Variants in ZFP1 observed in about 807,000 individuals in gnomAD.
The protein encoded by ZFP1 is zinc finger protein 1 homolog.
A neutral mutation model predicts 38.5 loss-of-function variants in ZFP1; 32 were observed. That is an observed-to-expected ratio of 0.83 (90% confidence interval 0.63 to 1.12). The LOEUF (loss-of-function observed/expected upper bound fraction) is 1.12, where lower values mean the gene tolerates loss of function less well. ZFP1 is among the 50% of genes most tolerant of loss of function. ZFP1 has a pLI of 0.00. For missense variants in ZFP1, 616 were observed against 480.8 expected, an observed-to-expected ratio of 1.28 and a Z score of -2.63; for synonymous variants, 245 against 168.8, an observed-to-expected ratio of 1.45 and a Z score of -3.50.
upstream of ZFP1, among the ~76,000 whole-genome samples, chr16:75,147,892 TAAG>T (rs1338941274): frequency 2.6e-5 from 4 of 152,210 alleles, no homozygotes; most frequent in Non-Finnish European, 5.9e-5. Flanking sequence ...TGAAATTTGC[TAAG>T]AAGATAGATC....
chr16:75,169,288 C>T lies in ZFP1; in HGVS notation c.178C>T (p.His60Tyr), dbSNP rs1286299632. ...GGCTGATGACCAGATGGAGAGAGAC[C>T]ACAGAAACCCAGACGAGCAGGCGAG... is the stretch of plus-strand genomic sequence containing the variant. ...WKADDQMERDHRNPDEQARQF... is the reference protein window; with the variant it reads ...WKADDQMERDYRNPDEQARQF... Residue 60 changes from histidine (H) to tyrosine (Y), a missense_variant, in exon 4 of 4, where the codon CAC becomes TAC. Transcript: ENST00000570010. The T allele has an allele frequency of 1.9e-6, 3 of 1,613,426 alleles. No individual in the cohort carries two copies. The highest frequency in any genetic ancestry group is 2.2e-5 in the South Asian group (2 of 91,000).
chr16:75,128,697 T>C, the ZFP1 span, among the ~76,000 whole-genome samples: 89 of 152,362 alleles, frequency 5.8e-4, 1 homozygote, highest in African/African-American at 1.9e-3. Context: ...TGTGTTTTCA[T>C]AAAGCCCTGT....
chr16:75,163,227 A>T (rs2037878259), intron 2 of ZFP1, among the ~76,000 whole-genome samples: 1 of 151,884 alleles, frequency 6.6e-6, no homozygotes, highest in South Asian at 2.1e-4. Context: ...ATATTACAAA[A>T]ATCATACATT....
At chr16:75,125,959 C>T in the ZFP1 span, among the ~76,000 whole-genome samples, 1 of 147,866 alleles carries the variant, frequency 6.8e-6, no homozygotes, top group Non-Finnish European at 1.5e-5. Flanking sequence ...AGGAGAATCG[C>T]TTGAATCTGG....
At chr16:75,136,450 T>C in the ZFP1 span, among the ~76,000 whole-genome samples, 9,201 of 152,226 alleles carry the variant, frequency 0.06, 942 homozygotes, top group African/African-American at 0.21. Context: ...ACTGGTTGAC[T>C]GAAAATTTAC....
intron 2 of ZFP1, among the ~76,000 whole-genome samples, chr16:75,164,896 C>T (rs574818989): frequency 3.3e-5 from 5 of 151,958 alleles, no homozygotes; most frequent in South Asian, 4.1e-4. Flanking sequence ...ACGTCCACTT[C>T]CTGGGTTCAA....
chr16:75,142,201 CA>C, the ZFP1 span, among the ~76,000 whole-genome samples: 415 of 109,904 alleles, frequency 3.8e-3, no homozygotes, highest in Middle Eastern at 0.011. Flanking sequence ...ACTAAAAATA[CA>C]AAAAAAAAAA....
the ZFP1 span, among the ~76,000 whole-genome samples, chr16:75,119,340 G>C: frequency 7.0e-4 from 107 of 152,252 alleles, no homozygotes; most frequent in African/African-American, 2.3e-3. Context: ...ACCCTCCAGA[G>C]AATACCTTAT....
chr16:75,154,116 C>A (rs555732007), intron 2 of ZFP1, among the ~76,000 whole-genome samples: 4 of 151,934 alleles, frequency 2.6e-5, no homozygotes, highest in Non-Finnish European at 5.9e-5. Flanking sequence ...CCCAGCTACT[C>A]GGGAGGCTGA....
chr16:75,122,891 C>G, the ZFP1 span, among the ~76,000 whole-genome samples: 1 of 152,114 alleles, frequency 6.6e-6, no homozygotes, highest in Non-Finnish European at 1.5e-5. Flanking sequence ...GATAATTTTG[C>G]AATGGCAGTT....
the ZFP1 span, among the ~76,000 whole-genome samples, chr16:75,130,153 A>C: frequency 2.6e-5 from 4 of 152,058 alleles, no homozygotes; most frequent in Non-Finnish European, 5.9e-5. Context: ...GGTATGCACT[A>C]CCACACCTGG....
chr16:75,169,472 A>C lies in ZFP1; in HGVS notation c.362A>C (p.Asn121Thr). The C allele has an allele frequency of 1.2e-6, 2 of 1,613,040 alleles. No individual in the cohort carries two copies. Among genetic ancestry groups the C allele is most frequent in the Non-Finnish European group, 1.7e-6 (2 of 1,179,784 alleles). The stretch of plus-strand genomic sequence containing the variant: ...TTGAAATATAATTCAGACTTGCTTA[A>C]TAGTAATAGAAGCTATGCAGGAAAG... ...KTLKYNSDLL[N>T]SNRSYAGKQT... is the part of the protein sequence containing the mutation. Residue 121 changes from asparagine to threonine, a missense_variant, in exon 4 of 4, where the codon AAT becomes ACT. Coordinates refer to ENST00000570010, the MANE Select transcript of ZFP1 (RefSeq NM_153688.4).
In ZFP1 at chr16:75,169,860, C is replaced by G. The variant is rs1302616315; in HGVS notation, c.750C>G (p.Thr250=). The G allele has an allele frequency of 1.9e-6, 3 of 1,614,102 alleles. No individual in the cohort carries two copies. Among genetic ancestry groups the G allele is most frequent in the South Asian group, 1.1e-5 (1 of 91,078 alleles). Residue 250 remains threonine, a synonymous_variant, in exon 4 of 4, where the codon ACC becomes ACG. Transcript: ENST00000570010. The part of the protein sequence containing the change: ...FECPECGKAF[T]HQSNLIVHQR... ...GTCCGGAATGTGGAAAAGCTTTCAC[C>G]CACCAGTCAAACCTCATTGTACACC...
At chr16:75,123,960 A>G in the ZFP1 span, among the ~76,000 whole-genome samples, 3 of 151,400 alleles carry the variant, frequency 2.0e-5, no homozygotes, top group Non-Finnish European at 4.4e-5. Flanking sequence ...TGGGCCTGAT[A>G]GCACGCACCT....
chr16:75,148,770 A>AGGGCGGCGTCCGGGGTTGCC (rs1567519308), intron 1 of ZFP1, 127 bp downstream of exon 1: 2 of 152,238 alleles, frequency 1.3e-5, no homozygotes, highest in African/African-American at 4.8e-5. Flanking sequence ...AGTGACCCTC[A>AGGGCGGCGTCCGGGGTTGCC]GGGCGGCGTC....
At chr16:75,166,239 A>T (rs1005997011) in intron 2 of ZFP1, among the ~76,000 whole-genome samples, 1 of 152,146 alleles carries the variant, frequency 6.6e-6, no homozygotes, top group Non-Finnish European at 1.5e-5. Context: ...GAGCAGAAAC[A>T]GTGTTTATTT....
chr16:75,134,729 C>T, the ZFP1 span, among the ~76,000 whole-genome samples: 1 of 141,524 alleles, frequency 7.1e-6, no homozygotes, highest in East Asian at 2.2e-4. Flanking sequence ...CCAGCCTGGG[C>T]AACACAGCAA....
intron 1 of ZFP1, among the ~76,000 whole-genome samples, chr16:75,149,442 G>A (rs1340078796): frequency 6.6e-6 from 1 of 152,152 alleles, no homozygotes; most frequent in Non-Finnish European, 1.5e-5. Flanking sequence ...TGATTCTGGT[G>A]CAGTCACGCT....
chr16:75,123,664 G>C, the ZFP1 span, among the ~76,000 whole-genome samples: 16 of 151,008 alleles, frequency 1.1e-4, no homozygotes, highest in Non-Finnish European at 1.9e-4. Flanking sequence ...TTTTAGTAGA[G>C]ACAGAGTTTC....
Sources: allele counts gnomAD v4.1 joint callset (sites outside exome capture counted in the v4.1 genomes callset), GRCh38; gene constraint gnomAD v4.1.1; transcripts MANE v1.5; gene names NCBI Gene and HGNC (gene_info 2026-07-23, HGNC 2026-07-21).